The following ZFC3H1 variants were observed in gnomAD, a reference collection of about 807,000 sequenced individuals.
ZFC3H1 encodes the protein zinc finger C3H1 domain-containing protein.
ZFC3H1 carries 71 observed loss-of-function variants against 243.7 expected under a neutral mutation model. That is an observed-to-expected ratio of 0.29 (90% CI 0.24 to 0.36). ZFC3H1 has a LOEUF of 0.36. Among genes scored for constraint, ZFC3H1 ranks in the 10% least tolerant of loss-of-function variants. ZFC3H1 has a pLI of 1.00. For synonymous variants in ZFC3H1, 838 were observed against 813.0 expected, an observed-to-expected ratio of 1.03 and a Z score of -0.52; for missense variants, 1,966 against 2,317.1, an observed-to-expected ratio of 0.85 and a Z score of 3.11.
chr12:71,615,081 G>A, intron 28 of ZFC3H1, 125 bp downstream of exon 28: 1 of 1,087,424 alleles, frequency 9.2e-7, no homozygotes, highest in South Asian at 1.5e-5. Context: ...CTAAACCTTA[G>A]CATCTCTTCA....
At chr12:71,617,319 A>T (rs755568308) in intron 27 of ZFC3H1, among the ~76,000 whole-genome samples, 6 of 152,208 alleles carry the variant, frequency 3.9e-5, no homozygotes, top group Non-Finnish European at 8.8e-5. Flanking sequence ...AGAAATGCAC[A>T]ATCTTTGTGT....
intron 12 of ZFC3H1, 79 bp from the exon 13 acceptor site, chr12:71,633,517 A>G (rs1277595911): frequency 8.3e-6 from 10 of 1,206,008 alleles, no homozygotes; most frequent in African/African-American, 3.1e-5. Flanking sequence ...TTTCAAAGTA[A>G]TAACACAATT....
At chr12:71,616,233 G>A (rs1384450359) in intron 27 of ZFC3H1, among the ~76,000 whole-genome samples, 1 of 152,074 alleles carries the variant, frequency 6.6e-6, no homozygotes, top group Non-Finnish European at 1.5e-5. Flanking sequence ...GGAGGCAGAG[G>A]TTACAGTGAG....
At position 71,632,345 on chromosome 12, in the gene ZFC3H1, T is replaced by C; in HGVS notation, c.2987A>G (p.Asn996Ser). The C allele has an allele frequency of 6.2e-7, 1 of 1,613,776 alleles. No homozygotes were observed. Among genetic ancestry groups the C allele is most frequent in the South Asian group, 1.1e-5 (1 of 91,068 alleles). The change falls in exon 15 of 35, where the codon AAT (asparagine) becomes AGT (serine). Residue 996 changes from asparagine to serine, a missense_variant. Asn to Ser is a conservative substitution (Grantham distance 46). Around this residue, in one of 4 missense-constraint regions of ZFC3H1, gnomAD observed 1,383 missense variants for 1,723.7 expected, o/e 0.80. Transcript: ENST00000378743. ...TTCCTCTTCCACAACTGGAGAGATATTTTGTTGTTCCTTTGCTTTAAGGGC... is the reference window on the plus strand; with the variant it reads ...TTCCTCTTCCACAACTGGAGAGATACTTTGTTGTTCCTTTGCTTTAAGGGC... ...ARALKAKEQQNISPVVEEEPE... is the reference protein window; with the variant it reads ...ARALKAKEQQSISPVVEEEPE...
intron 5 of ZFC3H1, among the ~76,000 whole-genome samples, chr12:71,643,212 AC>A (rs1445470452): frequency 6.6e-6 from 1 of 152,062 alleles, no homozygotes; most frequent in African/African-American, 2.4e-5. Context: ...GGAGTTCAAG[AC>A]CAGCCTGGCC....
chr12:71,610,752 G>C lies in ZFC3H1; in HGVS notation c.5775C>G (p.His1925Gln), dbSNP rs1215519634. ...TCTGTAAGGCTCTCTGATATAAACG[G>C]TGGACCTGTAAGATAGATATACACA... ...EIVLKGQREVHRLYQRALQKL... is the reference protein window; with the variant it reads ...EIVLKGQREVQRLYQRALQKL... The change falls in exon 34 of 35, where the codon CAC (histidine) becomes CAG (glutamine). Residue 1925 changes from histidine (H) to glutamine (Q), a missense_variant. Coordinates refer to ENST00000378743, the MANE Select transcript of ZFC3H1 (RefSeq NM_144982.5). 2 of 1,612,888 alleles carry C rather than the reference G, an allele frequency of 1.2e-6. No individual in the cohort carries two copies. The highest frequency in any genetic ancestry group is 1.7e-6 in the Non-Finnish European group (2 of 1,179,448).
At chr12:71,632,770 A>G (rs1880355893) in intron 14 of ZFC3H1, 116 bp downstream of exon 14, 1 of 1,448,414 alleles carries the variant, frequency 6.9e-7, no homozygotes, top group Non-Finnish European at 9.3e-7. Context: ...CAAAGCTTTA[A>G]TCTTAATCTC....
chr12:71,647,486 G>T (rs1313551204), intron 3 of ZFC3H1, among the ~76,000 whole-genome samples: 1 of 151,748 alleles, frequency 6.6e-6, no homozygotes, highest in Non-Finnish European at 1.5e-5. Flanking sequence ...CAAAATTAAA[G>T]GTTTCAAAAA....
chr12:71,630,749 TA>T, intron 17 of ZFC3H1, 28 bp from the exon 18 acceptor site: 1 of 1,605,162 alleles, frequency 6.2e-7, no homozygotes, highest in East Asian at 2.2e-5. Flanking sequence ...ACAGAAAAGA[TA>T]ATCATGTACA....
intron 6 of ZFC3H1, among the ~76,000 whole-genome samples, chr12:71,641,871 AC>A (rs1297517561): frequency 5.3e-5 from 8 of 152,198 alleles, no homozygotes; most frequent in Admixed American, 3.9e-4. Context: ...ATTTTTTGAG[AC>A]AGAATCTTGC....
chr12:71,624,067 C>T (rs748667847), intron 23 of ZFC3H1, 37 bp downstream of exon 23: 1 of 1,567,344 alleles, frequency 6.4e-7, no homozygotes. Context: ...TAAACTTTTT[C>T]TGCAAAATGC....
At position 71,632,911 on chromosome 12, in the gene ZFC3H1, C is replaced by T. The variant is rs374953642; in HGVS notation, c.2792G>A (p.Arg931His). Residue 931 changes from arginine (R) to histidine (H), a missense_variant, in exon 14 of 35, where the codon CGT becomes CAT. Coordinates refer to ENST00000378743, the MANE Select transcript of ZFC3H1 (RefSeq NM_144982.5). ...CCCAAAGCGATCTTGTTCCAGTTTA[C>T]GTTTTCCTATTTCTTTACTGGCCAC... Reference protein sequence around the residue: ...KAVASKEIGKRKLEQDRFGPN... With the variant: ...KAVASKEIGKHKLEQDRFGPN... 12 of 1,612,706 alleles carry T rather than the reference C, an allele frequency of 7.4e-6. No homozygotes were observed. The highest frequency in any genetic ancestry group is 6.7e-5 in the African/African-American group (5 of 74,834).
intron 2 of ZFC3H1, among the ~76,000 whole-genome samples, chr12:71,654,454 C>G (rs1022430718): frequency 1.3e-5 from 2 of 152,094 alleles, no homozygotes; most frequent in African/African-American, 2.4e-5. Flanking sequence ...CACACACACA[C>G]AGAGAATATA....
chr12:71,654,323 C>G (rs1391400389), intron 2 of ZFC3H1, among the ~76,000 whole-genome samples: 1 of 152,158 alleles, frequency 6.6e-6, no homozygotes, highest in Middle Eastern at 3.4e-3. Context: ...TGCCTGTGGT[C>G]CCAGCAACTC....
intron 12 of ZFC3H1, among the ~76,000 whole-genome samples, chr12:71,633,923 G>A (rs1880390678): frequency 6.6e-6 from 1 of 152,124 alleles, no homozygotes; most frequent in African/African-American, 2.4e-5. Flanking sequence ...CTCTCAAATT[G>A]CTATGATTAT....
intron 27 of ZFC3H1, among the ~76,000 whole-genome samples, chr12:71,616,193 G>A (rs959024790): frequency 6.6e-5 from 10 of 152,038 alleles, no homozygotes; most frequent in Non-Finnish European, 1.5e-4. Context: ...AGCTACTCCC[G>A]GGCTGAGGTG....
At chr12:71,644,835 G>C (rs367583777) in intron 4 of ZFC3H1, 42 bp downstream of exon 4, 30 of 1,586,472 alleles carry the variant, frequency 1.9e-5, no homozygotes, top group South Asian at 1.6e-4. Context: ...CAAAAGAAAA[G>C]AAAACAAAAC....
Position 71,634,825 on chromosome 12 carries a change from G to T in ZFC3H1, c.2239C>A (p.Gln747Lys). The change falls in exon 11 of 35, where the codon CAA (glutamine) becomes AAA (lysine). Residue 747 changes from glutamine to lysine, a missense_variant and splice_region_variant. Coordinates refer to ENST00000378743, the MANE Select transcript of ZFC3H1 (RefSeq NM_144982.5). ...MIKEARRTAE[Q>K]ASKPKVPPKS... Reference sequence around the variant, plus strand: ...GGAGGTACTTTCGGTTTTGAAGCTTGCTAAAAAAAAAAAAACATTTGAAGT... The same window carrying T: ...GGAGGTACTTTCGGTTTTGAAGCTTTCTAAAAAAAAAAAAACATTTGAAGT... 2 of 1,502,414 alleles carry T rather than the reference G, an allele frequency of 1.3e-6. No individual in the cohort carries two copies. Among genetic ancestry groups the T allele is most frequent in the Admixed American group, 2.5e-5 (1 of 40,328 alleles). The allele number at this position is 1,502,414 out of a possible 1,614,324, so 93.1% of individuals were successfully genotyped here.
At chr12:71,650,559 G>A (rs539572687) in intron 2 of ZFC3H1, among the ~76,000 whole-genome samples, 6 of 152,228 alleles carry the variant, frequency 3.9e-5, no homozygotes, top group African/African-American at 1.4e-4. Context: ...ATAATAATGA[G>A]AATATCCCTA....
Sources: gnomAD v4.1 joint callset for allele counts (sites outside exome capture counted in the v4.1 genomes callset) on GRCh38, gnomAD v4.1.1 for gene constraint, gnomAD v4.1.1 regional missense constraint, MANE v1.5 for transcripts, NCBI Gene and HGNC (gene_info 2026-07-23, HGNC 2026-07-21) for gene names.